TLR1: variants seen among roughly 807,000 people sequenced by gnomAD.
TLR1 encodes toll-like receptor 1.
Under a neutral mutation model 20.2 loss-of-function variants are expected in TLR1, and 19 were observed. The ratio of observed to expected loss-of-function variants is 0.94; its 90% CI spans 0.66 to 1.38. The LOEUF is 1.38. TLR1 is among the 40% of genes most tolerant of loss of function. The pLI, the probability that TLR1 is intolerant of heterozygous loss-of-function variation, is 0.00. For synonymous variants in TLR1, 320 were observed against 334.5 expected, an observed-to-expected ratio of 0.96 and a Z score of 0.47; for missense variants, 921 against 910.0, an observed-to-expected ratio of 1.01 and a Z score of -0.16.
chr4:38,791,976 G>C (rs1264751791), downstream of TLR1, among the ~76,000 whole-genome samples: 10 of 152,134 alleles, frequency 6.6e-5, no homozygotes, highest in African/African-American at 2.2e-4. Flanking sequence ...CACTGTGTCT[G>C]CCACCTCTAG....
rs774382003 is a variant in TLR1 at position 38,796,809 on chromosome 4, G to A, written c.2023C>T (p.Pro675Ser). ...ATATTTTCCACAATGCTCTTGCCAG[G>A]AACAAAGTTTCTCTCATGAAGGCAA... is the stretch of plus-strand genomic sequence containing the variant. ...QICLHERNFV[P>S]GKSIVENIIT... is the part of the protein sequence containing the mutation. The change falls in exon 4 of 4, where the codon CCT (proline) becomes TCT (serine). Residue 675 changes from proline to serine, a missense_variant. Physicochemically the swap from Pro to Ser is moderately conservative, Grantham distance 74. Transcript: ENST00000308979. 1 of 1,614,186 alleles carries A rather than the reference G, an allele frequency of 6.2e-7. No individual in the cohort carries two copies. The highest frequency in any genetic ancestry group is 1.7e-5 in the Admixed American group (1 of 60,014).
rs767595888 is a variant in TLR1 at position 38,797,786 on chromosome 4, G to A, written c.1046C>T (p.Pro349Leu). The change falls in exon 4 of 4, where the codon CCG becomes CTG. Residue 349 changes from proline to leucine, a missense_variant. Transcript: ENST00000308979. ...VHMLCPSKIS[P>L]FLHLDFSNNL... ...ATTGGAAAAATCCAAATGCAGGAAC[G>A]GGCTAATTTTGGATGGGCAAAGCAT... is the stretch of plus-strand genomic sequence containing the variant. The A allele has an allele frequency of 1.4e-5, 23 of 1,613,982 alleles. No individual in the cohort carries two copies. Among genetic ancestry groups the A allele is most frequent in the African/African-American group, 9.3e-5 (7 of 74,924 alleles).
Position 38,798,224 on chromosome 4 carries a change from T to G in TLR1, c.608A>C (p.His203Pro), listed in dbSNP as rs776095032. ...HIVFPTNKEF[H>P]FILDVSVKTV... ...CTTGACTGACACATCCAAAATAAAA[T>G]GGAATTCTTTGTTTGTGGGGAACAC... The change falls in exon 4 of 4, where the codon CAT becomes CCT. Residue 203 changes from histidine to proline, a missense_variant. By Grantham distance (77) the His-to-Pro change is moderately conservative. Coordinates refer to ENST00000308979, the MANE Select transcript of TLR1 (RefSeq NM_003263.4). 1.2e-5 allele frequency: 19 copies of G among 1,613,746 alleles called. 1 individual carries two copies. The South Asian group carries it at 2.1e-4, about 18-fold the overall frequency.
chr4:38,797,579 T>C lies in TLR1; in HGVS notation c.1253A>G (p.Asp418Gly). ...NSVSYDEKKG[D>G]CSWTKSLLSL... Reference sequence around the variant, plus strand: ...TAATAAACTTTTAGTCCAAGAACAGTCTCCTTTCTTTTCATCATAGCTTAC... The same window carrying C: ...TAATAAACTTTTAGTCCAAGAACAGCCTCCTTTCTTTTCATCATAGCTTAC... The change falls in exon 4 of 4, where the codon GAC becomes GGC. Residue 418 changes from aspartate (D) to glycine (G), a missense_variant. By Grantham distance (94) the Asp-to-Gly change is moderately conservative (BLOSUM62 -1). Coordinates refer to ENST00000308979, the MANE Select transcript of TLR1 (RefSeq NM_003263.4). 6.2e-7 allele frequency: 1 copy of C among 1,613,648 alleles called. No homozygotes were observed. Among genetic ancestry groups the C allele is most frequent in the Non-Finnish European group, 8.5e-7 (1 of 1,179,958 alleles).
At chr4:38,790,086 T>C (rs765157208), downstream of TLR1, among the ~76,000 whole-genome samples, 2 of 152,250 alleles carry the variant, frequency 1.3e-5, no homozygotes, top group Non-Finnish European at 2.9e-5. Context: ...CAAATTACTG[T>C]CTGTCATTTT....
exon 4 of TLR1, chr4:38,790,903 A>G (rs4543123): frequency 0.32 from 48,012 of 152,148 alleles, 9,021 homozygotes; most frequent in African/African-American, 0.5. Flanking sequence ...GAACATCCTC[A>G]TAGGTCTGCC....
chr4:38,795,207 C>T (rs1331650052), downstream of TLR1, among the ~76,000 whole-genome samples: 1 of 152,174 alleles, frequency 6.6e-6, no homozygotes, highest in East Asian at 1.9e-4. Flanking sequence ...CAGGTTTGTG[C>T]ATGTATCAGA....
chr4:38,802,710 T>C (rs1726754729), intron 2 of TLR1, among the ~76,000 whole-genome samples: 1 of 152,204 alleles, frequency 6.6e-6, no homozygotes, highest in South Asian at 2.1e-4. Context: ...ATAAACTCTC[T>C]GTAAGGAATA....
At position 38,798,899 on chromosome 4, in the gene TLR1, C is replaced by T; in HGVS notation, c.-67-1G>A. On this transcript the variant is annotated splice_acceptor_variant, in intron 3 of 3. Transcript: ENST00000308979. LOFTEE classifies it low-confidence loss of function (5UTR_SPLICE). ...GATCATCTTGATACAGATACAGATT[C>T]TAGAAAAAAAATAATGAAATGATGA... 8.5e-7 allele frequency: 1 copy of T among 1,180,706 alleles called. No individual in the cohort carries two copies. The highest frequency in any genetic ancestry group is 1.2e-6 in the Non-Finnish European group (1 of 856,044). 73.1% of individuals were successfully genotyped at this position (1,180,706 alleles called of 1,614,324 possible).
chr4:38,797,748 C>A lies in TLR1; in HGVS notation c.1084G>T (p.Asp362Tyr), dbSNP rs775912942. 7 of 1,613,900 alleles carry A rather than the reference C, an allele frequency of 4.3e-6. No homozygotes were observed. The highest frequency in any genetic ancestry group is 2.7e-5 in the African/African-American group (2 of 74,914). The change falls in exon 4 of 4, where the codon GAC becomes TAC. Residue 362 changes from aspartate to tyrosine, a missense_variant. Asp to Tyr is a radical substitution (Grantham distance 160). Coordinates refer to ENST00000308979, the MANE Select transcript of TLR1 (RefSeq NM_003263.4). ...TGCCCACAATTTTCAAAAACCGTGTCTGTTAAGAGATTATTGGAAAAATCC... is the reference window on the plus strand; with the variant it reads ...TGCCCACAATTTTCAAAAACCGTGTATGTTAAGAGATTATTGGAAAAATCC... ...HLDFSNNLLTDTVFENCGHLT... is the reference protein window; with the variant it reads ...HLDFSNNLLTYTVFENCGHLT...
Position 38,798,171 on chromosome 4 carries a change from T to A in TLR1, c.661A>T (p.Ile221Phe), listed in dbSNP as rs202092369. 12 of 1,614,124 alleles carry A rather than the reference T, an allele frequency of 7.4e-6. No individual in the cohort carries two copies. In the East Asian group the frequency reaches 2.7e-4, roughly 36 times the overall value. The change falls in exon 4 of 4, where the codon ATC becomes TTC. Residue 221 changes from isoleucine (I) to phenylalanine (F), a missense_variant. Physicochemically the swap from Ile to Phe is conservative, Grantham distance 21. Coordinates refer to ENST00000308979, the MANE Select transcript of TLR1 (RefSeq NM_003263.4). The part of the protein sequence containing the change: ...KTVANLELSN[I>F]KCVLEDNKCS... Reference sequence around the variant, plus strand: ...TTGTTATCTTCTAGCACACATTTGATATTAGATAGTTCCAGATTTGCTACA... The same window carrying A: ...TTGTTATCTTCTAGCACACATTTGAAATTAGATAGTTCCAGATTTGCTACA...
At position 38,796,649 on chromosome 4, in the gene TLR1, A is replaced by G; in HGVS notation, c.2183T>C (p.Leu728Pro). The change falls in exon 4 of 4, where the codon CTG becomes CCG. Residue 728 changes from leucine (L) to proline (P), a missense_variant. Coordinates refer to ENST00000308979, the MANE Select transcript of TLR1 (RefSeq NM_003263.4). ...CTGCGGAATGGGTTCCAGCAAGATC[A>G]GGATTAAGCTATTAGATCCTTCATG... Reference protein sequence around the residue: ...LFHEGSNSLILILLEPIPQYS... With the variant: ...LFHEGSNSLIPILLEPIPQYS... 6.2e-7 allele frequency: 1 copy of G among 1,614,222 alleles called. No homozygotes were observed. The highest frequency in any genetic ancestry group is 1.7e-5 in the Admixed American group (1 of 60,028).
chr4:38,788,115 A>C (rs1016980810), downstream of TLR1, among the ~76,000 whole-genome samples: 2 of 150,736 alleles, frequency 1.3e-5, no homozygotes, highest in Admixed American at 1.3e-4. Flanking sequence ...GGACAAATAA[A>C]TATGAAAGAA....
downstream of TLR1, chr4:38,790,638 T>C (rs1319600942): frequency 1.3e-5 from 2 of 152,092 alleles, no homozygotes; most frequent in Admixed American, 1.3e-4. Flanking sequence ...CTCCGTCTTA[T>C]TATTATTATT....
At position 38,798,441 on chromosome 4, in the gene TLR1, T is replaced by C; in HGVS notation, c.391A>G (p.Ile131Val). The change falls in exon 4 of 4, where the codon ATA (isoleucine) becomes GTA (valine). Residue 131 changes from isoleucine (I) to valine (V), a missense_variant. Coordinates refer to ENST00000308979, the MANE Select transcript of TLR1 (RefSeq NM_003263.4). ...LSFNAFDALP[I>V]CKEFGNMSQL... Reference sequence around the variant, plus strand: ...GACATATTGCCAAACTCTTTGCATATAGGCAGGGCATCAAATGCATTAAAT... The same window carrying C: ...GACATATTGCCAAACTCTTTGCATACAGGCAGGGCATCAAATGCATTAAAT... 1 of 1,613,870 alleles carries C rather than the reference T, an allele frequency of 6.2e-7. No homozygotes were observed. Among genetic ancestry groups the C allele is most frequent in the South Asian group, 1.1e-5 (1 of 91,062 alleles).
chr4:38,798,914 T>A lies in TLR1; in HGVS notation c.-67-16A>T, dbSNP rs1023579286. The A allele has an allele frequency of 9.3e-6, 10 of 1,080,698 alleles. No individual in the cohort carries two copies. Among genetic ancestry groups the A allele is most frequent in the Non-Finnish European group, 9.2e-6 (7 of 762,440 alleles). 66.9% of individuals were successfully genotyped at this position (1,080,698 alleles called of 1,614,324 possible). On this transcript the variant is annotated splice_polypyrimidine_tract_variant and intron_variant, in intron 3 of 3. Coordinates refer to ENST00000308979, the MANE Select transcript of TLR1 (RefSeq NM_003263.4). ...GATACAGATTCTAGAAAAAAAATAA[T>A]GAAATGATGAAATACATTACATACA...
In TLR1 at chr4:38,796,894, G is replaced by T. The variant is rs72493538; in HGVS notation, c.1938C>A (p.His646Gln). Residue 646 changes from histidine to glutamine, a missense_variant, in exon 4 of 4, where the codon CAC becomes CAA. Transcript: ENST00000308979. ...ATTCATTCTTCACCCAGAAAGAATC[G>T]TGCCCACTATATGAAATAAATGCAT... ...QFHAFISYSG[H>Q]DSFWVKNELL... The T allele has an allele frequency of 6.2e-7, 1 of 1,614,014 alleles. No individual in the cohort carries two copies. Among genetic ancestry groups the T allele is most frequent in the African/African-American group, 1.3e-5 (1 of 74,896 alleles).
rs778036768 is a variant in TLR1, at chr4:38,798,001, T to A, written c.831A>T (p.Ser277=). ...GACCCTGTAGCTTCACGTTTGAAATTGAGAAATACCATACAGTTGTATGCC... is the reference window on the plus strand; with the variant it reads ...GACCCTGTAGCTTCACGTTTGAAATAGAGAAATACCATACAGTTGTATGCC... ...LVWHTTVWYF[S]ISNVKLQGQL... is the part of the protein sequence containing the mutation. Residue 277 remains serine, a synonymous_variant, in exon 4 of 4, where the codon TCA becomes TCT. Transcript: ENST00000308979. The A allele has an allele frequency of 1.2e-6, 2 of 1,614,164 alleles. No individual in the cohort carries two copies. Among genetic ancestry groups the A allele is most frequent in the East Asian group, 4.5e-5 (2 of 44,882 alleles).
rs773058398 is a variant in TLR1 at position 38,796,612 on chromosome 4, A to C, written c.2220T>G (p.Pro740=). The change falls in exon 4 of 4, where the codon CCT becomes CCG. Residue 740 remains proline, a synonymous_variant. Transcript: ENST00000308979. The stretch of plus-strand genomic sequence containing the variant: ...GACTTTTGAGCTTGTGATAACTGCT[A>C]GGAATGGAGTACTGCGGAATGGGTT... ...LLEPIPQYSI[P]SSYHKLKSLM... 1 of 1,614,108 alleles carries C rather than the reference A, an allele frequency of 6.2e-7. No homozygotes were observed.
Sources: gnomAD v4.1 joint callset for allele counts (sites outside exome capture counted in the v4.1 genomes callset) on GRCh38, gnomAD v4.1.1 for gene constraint, MANE v1.5 for transcripts, NCBI Gene and HGNC (gene_info 2026-07-23, HGNC 2026-07-21) for gene names.